NXPH1: variants seen among roughly 807,000 people sequenced by gnomAD.
NXPH1 encodes neurexophilin-1.
Under a neutral mutation model 23.7 loss-of-function variants are expected in NXPH1, and 5 were observed. The observed-to-expected ratio is 0.21, with a 90% CI of 0.11 to 0.44. The LOEUF is 0.44. Ranked by LOEUF, NXPH1 falls within the 20% of genes least tolerant of loss-of-function variation. The pLI is 0.99. For synonymous variants in NXPH1, 144 were observed against 122.2 expected, an observed-to-expected ratio of 1.18 and a Z score of -1.18; for missense variants, 324 against 321.6, an observed-to-expected ratio of 1.01 and a Z score of -0.06.
At chr7:8,660,106 A>G (rs534029335) in intron 2 of NXPH1, among the ~76,000 whole-genome samples, 1 of 152,256 alleles carries the variant, frequency 6.6e-6, no homozygotes, top group Admixed American at 6.5e-5. Flanking sequence ...TGGTAATGAT[A>G]ATGACAGCAG....
At chr7:8,693,839 T>C (rs1821260223) in intron 2 of NXPH1, among the ~76,000 whole-genome samples, 1 of 152,186 alleles carries the variant, frequency 6.6e-6, no homozygotes, top group Admixed American at 6.5e-5. Flanking sequence ...TGCATAATTT[T>C]TTTCCTCTCA....
chr7:8,701,680 A>G (rs1779625259), intron 2 of NXPH1, among the ~76,000 whole-genome samples: 1 of 152,050 alleles, frequency 6.6e-6, no homozygotes, highest in Admixed American at 6.6e-5. Flanking sequence ...TTAATCATCT[A>G]TGTAGAAGTT....
intron 2 of NXPH1, among the ~76,000 whole-genome samples, chr7:8,546,197 G>A (rs1818195695): frequency 6.6e-6 from 1 of 151,374 alleles, no homozygotes; most frequent in Non-Finnish European, 1.5e-5. Context: ...GAATACTCAG[G>A]CAATCATTCC....
At chr7:8,552,929 G>A (rs562417242) in intron 2 of NXPH1, among the ~76,000 whole-genome samples, 1 of 151,674 alleles carries the variant, frequency 6.6e-6, no homozygotes, top group Non-Finnish European at 1.5e-5. Context: ...CACGTATGAA[G>A]TGTATTGAAA....
rs1309732616 is a variant in NXPH1 at position 8,656,828 on chromosome 7, A to G, written c.55-94180A>G. Among the ~76,000 whole-genome samples, 6 of 152,204 alleles carry G rather than the reference A, an allele frequency of 3.9e-5. No homozygotes were observed. The East Asian group carries it at 7.8e-4, about 20-fold the overall frequency. On this transcript the variant is annotated intron_variant, in intron 2 of 2. Coordinates refer to ENST00000405863, the MANE Select transcript of NXPH1 (RefSeq NM_152745.3). Reference sequence around the variant, plus strand: ...TTGTTCTTGCGATATTTTACTGACAATGATGATTTCCAATTTCATCCATGT... The same window carrying G: ...TTGTTCTTGCGATATTTTACTGACAGTGATGATTTCCAATTTCATCCATGT...
At chr7:8,579,480 C>A (rs1278306786) in intron 2 of NXPH1, among the ~76,000 whole-genome samples, 2 of 151,312 alleles carry the variant, frequency 1.3e-5, no homozygotes, top group Non-Finnish European at 2.9e-5. Context: ...TCAAGCAATT[C>A]TCCTGCTTCA....
intron 2 of NXPH1, among the ~76,000 whole-genome samples, chr7:8,526,368 G>A (rs188681805): frequency 5.3e-5 from 8 of 152,296 alleles, no homozygotes; most frequent in African/African-American, 1.9e-4. Context: ...AGGCGGAAGG[G>A]ACTTGACTTG....
At chr7:8,649,345 T>A (rs941568725) in intron 2 of NXPH1, among the ~76,000 whole-genome samples, 1 of 152,198 alleles carries the variant, frequency 6.6e-6, no homozygotes. Flanking sequence ...CAATGTTTAT[T>A]TTGTTTTACT....
chr7:8,744,137 T>A (rs897476683), intron 2 of NXPH1, among the ~76,000 whole-genome samples: 11 of 152,222 alleles, frequency 7.2e-5, no homozygotes, highest in Non-Finnish European at 1.2e-4. Flanking sequence ...GACCCTTGTC[T>A]ATGCCCCTAT....
chr7:8,611,316 A>G (rs914696892), intron 2 of NXPH1, among the ~76,000 whole-genome samples: 1 of 152,084 alleles, frequency 6.6e-6, no homozygotes, highest in East Asian at 1.9e-4. Context: ...GTTTTCAATT[A>G]CCTCTGTCTT....
At chr7:8,678,566 A>G (rs1820992004) in intron 2 of NXPH1, among the ~76,000 whole-genome samples, 1 of 152,078 alleles carries the variant, frequency 6.6e-6, no homozygotes, top group Admixed American at 6.5e-5. Flanking sequence ...CAGCTATGCC[A>G]GTGTTCAGGG....
intron 2 of NXPH1, among the ~76,000 whole-genome samples, chr7:8,469,522 C>T (rs974344495): frequency 1.3e-5 from 2 of 151,900 alleles, no homozygotes; most frequent in African/African-American, 2.4e-5. Flanking sequence ...CAATCGTTCC[C>T]TCTCCTCTCA....
At chr7:8,507,877 A>G (rs1396683048) in intron 2 of NXPH1, among the ~76,000 whole-genome samples, 1 of 152,154 alleles carries the variant, frequency 6.6e-6, no homozygotes, top group Non-Finnish European at 1.5e-5. Context: ...TTAAAGGCTG[A>G]ATGAGAAAGC....
intron 2 of NXPH1, among the ~76,000 whole-genome samples, chr7:8,691,531 T>A (rs935435241): frequency 4.6e-5 from 7 of 152,196 alleles, no homozygotes; most frequent in African/African-American, 7.2e-5. Context: ...ATGATTTTTT[T>A]AAAAAGCATA....
chr7:8,588,982 A>G (rs548870087), intron 2 of NXPH1, among the ~76,000 whole-genome samples: 1 of 152,274 alleles, frequency 6.6e-6, no homozygotes, highest in African/African-American at 2.4e-5. Context: ...GAAATAGAAA[A>G]AAATCTAGAC....
chr7:8,710,077 ATAAT>A (rs1779763231), intron 2 of NXPH1, among the ~76,000 whole-genome samples: 1 of 152,206 alleles, frequency 6.6e-6, no homozygotes, highest in African/African-American at 2.4e-5. Context: ...ACAGAATTGA[ATAAT>A]TAGGCAGTAT....
intron 2 of NXPH1, among the ~76,000 whole-genome samples, chr7:8,476,352 T>C (rs1020640825): frequency 1.3e-5 from 2 of 152,136 alleles, no homozygotes; most frequent in African/African-American, 4.8e-5. Flanking sequence ...CTAATCTTTT[T>C]CTGTTCTTTC....
At chr7:8,713,789 C>G (rs1422058705) in intron 2 of NXPH1, among the ~76,000 whole-genome samples, 1 of 152,198 alleles carries the variant, frequency 6.6e-6, no homozygotes, top group East Asian at 1.9e-4. Context: ...GATTCGTGTT[C>G]TCTTCCCGTA....
intron 2 of NXPH1, among the ~76,000 whole-genome samples, chr7:8,509,718 A>C (rs1459885722): frequency 1.3e-5 from 2 of 152,036 alleles, no homozygotes; most frequent in African/African-American, 4.8e-5. Context: ...GTGTGATCTG[A>C]GTTTCTTCCT....
Sources: allele counts gnomAD v4.1 joint callset (sites outside exome capture counted in the v4.1 genomes callset), GRCh38; gene constraint gnomAD v4.1.1; transcripts MANE v1.5; gene names NCBI Gene and HGNC (gene_info 2026-07-23, HGNC 2026-07-21).